TGM4: variants seen among roughly 807,000 people sequenced by gnomAD.
TGM4 encodes the protein transglutaminase 4, also known as protein-glutamine gamma-glutamyltransferase 4.
Under a neutral mutation model 76.3 loss-of-function variants are expected in TGM4, and 61 were observed. The ratio of observed to expected loss-of-function variants is 0.80; its 90% CI spans 0.65 to 0.99. The LOEUF is 0.99. Ranked by LOEUF, TGM4 falls within the 50% of genes least tolerant of loss-of-function variation. The pLI, the probability that TGM4 is intolerant of heterozygous loss-of-function variation, is 0.00. For synonymous variants in TGM4, 337 were observed against 329.8 expected (o/e 1.02, Z -0.24); for missense variants, 794 against 843.2 (o/e 0.94, Z 0.72).
chr3:44,875,247 A>G (rs1699436038), intron 1 of TGM4, among the ~76,000 whole-genome samples: 1 of 152,214 alleles, frequency 6.6e-6, no homozygotes, highest in Admixed American at 6.5e-5. Context: ...ATCCTGGGTT[A>G]GGCTTTGCAT....
intron 10 of TGM4, 102 bp downstream of exon 10, chr3:44,907,302 ATCCC>A: frequency 9.3e-7 from 1 of 1,073,402 alleles, no homozygotes; most frequent in Non-Finnish European, 1.2e-6. Flanking sequence ...GTGAAACCCC[ATCCC>A]TACCAAAAAA....
Position 44,908,882 on chromosome 3 carries a change from T to C in TGM4, c.1328-1208T>C, listed in dbSNP as rs149783477. Among the ~76,000 whole-genome samples the C allele has an allele frequency of 5.5e-3, 833 of 152,316 alleles. 7 individuals are homozygous for C. Among genetic ancestry groups the C allele is most frequent in the Non-Finnish European group, 6.8e-3 (465 of 68,028 alleles). On this transcript the variant is annotated intron_variant, in intron 10 of 13. Transcript: ENST00000296125. ...CCACACCACCATGTATGGCCTATAGTTTGTTTGCATGTCTTGTAATTTTTT... is the reference window on the plus strand; with the variant it reads ...CCACACCACCATGTATGGCCTATAGCTTGTTTGCATGTCTTGTAATTTTTT...
At position 44,911,346 on chromosome 3, in the gene TGM4, C is replaced by G. The variant is rs374241631; in HGVS notation, c.1853C>G (p.Thr618Ser). The G allele has an allele frequency of 1.2e-6, 2 of 1,614,166 alleles. No individual in the cohort carries two copies. Among genetic ancestry groups the G allele is most frequent in the African/African-American group, 2.7e-5 (2 of 74,956 alleles). ...IFKNTLAIPL[T>S]DVKFSLESLG... ...AAGAATACCCTGGCCATCCCTTTGA[C>G]TGACGTCAAGTTCTCTTTGGAAAGC... The change falls in exon 13 of 14, where the codon ACT (threonine) becomes AGT (serine). Residue 618 changes from threonine (T) to serine (S), a missense_variant. By Grantham distance (58) the Thr-to-Ser change is moderately conservative. Coordinates refer to ENST00000296125, the MANE Select transcript of TGM4 (RefSeq NM_003241.4).
At chr3:44,884,055 T>A (rs1351376906) in intron 1 of TGM4, among the ~76,000 whole-genome samples, 1 of 152,206 alleles carries the variant, frequency 6.6e-6, no homozygotes, top group Admixed American at 6.5e-5. Flanking sequence ...AGGAAGCTGC[T>A]GGAGAGGCAA....
chr3:44,901,512 C>A lies in TGM4; in HGVS notation c.658-12C>A, dbSNP rs745332524. 1.9e-6 allele frequency: 3 copies of A among 1,596,710 alleles called. No individual in the cohort carries two copies. In the South Asian group the frequency reaches 3.4e-5, roughly 18 times the overall value. Reference sequence around the variant, plus strand: ...GGGGCGGACACTGACCCCACCCCTACGTGTGTGGCAGATGAGCTTTGAGAA... The same window carrying A: ...GGGGCGGACACTGACCCCACCCCTAAGTGTGTGGCAGATGAGCTTTGAGAA... On this transcript the variant is annotated splice_polypyrimidine_tract_variant and intron_variant, in intron 6 of 13. Transcript: ENST00000296125.
chr3:44,874,836 T>C (rs551786145), intron 1 of TGM4, 139 bp downstream of exon 1: 3 of 932,992 alleles, frequency 3.2e-6, no homozygotes, highest in Admixed American at 3.0e-5. Context: ...TTGCTTTCTG[T>C]CTCATCCCTT....
chr3:44,896,628 A>G, intron 5 of TGM4, 81 bp from the exon 6 acceptor site: 1 of 1,327,508 alleles, frequency 7.5e-7, no homozygotes, highest in Admixed American at 1.7e-5. Flanking sequence ...GGTGGCTGTG[A>G]CATGCAAATT....
chr3:44,891,162 T>C (rs1278901171), intron 4 of TGM4, among the ~76,000 whole-genome samples: 2 of 152,218 alleles, frequency 1.3e-5, no homozygotes, highest in Admixed American at 6.5e-5. Context: ...GTGGCTACAC[T>C]GGAGCCTTTA....
At chr3:44,895,061 C>T (rs571063979) in intron 5 of TGM4, among the ~76,000 whole-genome samples, 5 of 152,068 alleles carry the variant, frequency 3.3e-5, no homozygotes, top group East Asian at 1.9e-4. Flanking sequence ...TTTGGGAGGC[C>T]GAAGCAGGCA....
intron 5 of TGM4, among the ~76,000 whole-genome samples, chr3:44,894,844 C>T (rs1179280163): frequency 1.3e-5 from 2 of 152,060 alleles, no homozygotes; most frequent in African/African-American, 4.8e-5. Flanking sequence ...TCCACCCTCA[C>T]TCATTCCTAG....
chr3:44,881,023 G>T lies in TGM4; in HGVS notation c.20-4302G>T, dbSNP rs532853006. 4.0e-5 allele frequency among the ~76,000 whole-genome samples: 6 copies of T among 151,182 alleles called. No individual in the cohort carries two copies. In the East Asian group the frequency reaches 1.2e-3, roughly 29 times the overall value. The stretch of plus-strand genomic sequence containing the variant: ...GCTTGAATTCAGGAGTTTGAGACCA[G>T]CCTGGGCAACATAGTAAGACTTCAT... On this transcript the variant is annotated intron_variant, in intron 1 of 13. Coordinates refer to ENST00000296125, the MANE Select transcript of TGM4 (RefSeq NM_003241.4).
At chr3:44,911,482 G>C (rs1700005169) in intron 13 of TGM4, 76 bp downstream of exon 13, 9 of 1,544,532 alleles carry the variant, frequency 5.8e-6, no homozygotes, top group Non-Finnish European at 7.9e-6. Flanking sequence ...TTCCTGAGAA[G>C]TGAATTCCCA....
At chr3:44,881,504 G>C (rs1355211985) in intron 1 of TGM4, among the ~76,000 whole-genome samples, 2 of 152,192 alleles carry the variant, frequency 1.3e-5, no homozygotes, top group Non-Finnish European at 2.9e-5. Context: ...TCCTAGCGAG[G>C]ACTCCCTGAG....
intron 2 of TGM4, among the ~76,000 whole-genome samples, chr3:44,886,782 G>T (rs551172147): frequency 2.0e-5 from 3 of 152,346 alleles, no homozygotes; most frequent in African/African-American, 7.2e-5. Context: ...TCCTAGACTT[G>T]ACTGTACTAG....
In TGM4 at chr3:44,907,193, T is replaced by A; in HGVS notation, c.1320T>A (p.Tyr440Ter). ...RRRDITYEYKYPEGSSEERQV... is the reference protein window; with the variant it reads ...RRRDITYEYK The stretch of plus-strand genomic sequence containing the variant: ...GAGATATCACCTATGAGTACAAGTA[T>A]CCAGAAGGTGCTAGCATCACAGGGC... The change falls in exon 10 of 14, where the codon TAT becomes TAA. Residue 440 changes from tyrosine to a stop codon, truncating the protein, a stop_gained. Coordinates refer to ENST00000296125, the MANE Select transcript of TGM4 (RefSeq NM_003241.4). LOFTEE classifies it high-confidence loss of function. The A allele has an allele frequency of 6.2e-7, 1 of 1,612,218 alleles. No individual in the cohort carries two copies.
intron 5 of TGM4, among the ~76,000 whole-genome samples, chr3:44,893,939 T>C (rs1699739876): frequency 7.4e-6 from 1 of 134,476 alleles, no homozygotes; most frequent in Admixed American, 8.2e-5. Flanking sequence ...CCCACGGCTC[T>C]CTCCCACCCC....
intron 8 of TGM4, among the ~76,000 whole-genome samples, chr3:44,902,425 C>T (rs1195292077): frequency 1.3e-5 from 2 of 151,940 alleles, no homozygotes; most frequent in Non-Finnish European, 2.9e-5. Context: ...CATGGTGAAA[C>T]CCCATCTCTA....
intron 6 of TGM4, among the ~76,000 whole-genome samples, chr3:44,898,280 CAAAAA>C (rs35054781): frequency 2.0e-5 from 2 of 98,816 alleles, no homozygotes; most frequent in Non-Finnish European, 2.2e-5. Flanking sequence ...GACTCTGTCT[CAAAAA>C]AAAAAAAAAA....
At chr3:44,906,294 G>T (rs890878635) in intron 9 of TGM4, among the ~76,000 whole-genome samples, 9 of 152,076 alleles carry the variant, frequency 5.9e-5, no homozygotes, top group Admixed American at 3.9e-4. Context: ...TACTACTGAG[G>T]AACTATCAGT....
Sources: gnomAD v4.1 joint callset for allele counts (sites outside exome capture counted in the v4.1 genomes callset) on GRCh38, gnomAD v4.1.1 for gene constraint, MANE v1.5 for transcripts, NCBI Gene and HGNC (gene_info 2026-07-23, HGNC 2026-07-21) for gene names.